Variants in LRCH3 observed in about 807,000 individuals in gnomAD.
LRCH3 encodes leucine rich repeats and calponin homology domain containing 3.
LRCH3 carries 68 observed loss-of-function variants against 104.5 expected under a neutral mutation model. The observed-to-expected ratio is 0.65, with a 90% confidence interval of 0.54 to 0.80. The LOEUF is 0.80. LRCH3 is among the 30% of genes least tolerant of loss of function. The pLI is 0.00. For synonymous variants in LRCH3, 344 were observed against 361.3 expected (o/e 0.95, Z 0.54); for missense variants, 951 against 953.9 (o/e 1.00, Z 0.04).
At chr3:197,818,785 G>A (rs1186230919) in intron 3 of LRCH3, among the ~76,000 whole-genome samples, 1 of 152,134 alleles carries the variant, frequency 6.6e-6, no homozygotes, top group Non-Finnish European at 1.5e-5. Flanking sequence ...CTACAAAAGA[G>A]GTTAATTGAT....
intron 4 of LRCH3, among the ~76,000 whole-genome samples, chr3:197,825,531 G>C (rs1345007735): frequency 8.9e-6 from 1 of 112,072 alleles, no homozygotes; most frequent in Admixed American, 1.3e-4. Context: ...CCAGGCTGGA[G>C]TGCAGTGGCT....
chr3:197,862,891 G>A (rs1234054623), intron 15 of LRCH3, among the ~76,000 whole-genome samples: 2 of 152,170 alleles, frequency 1.3e-5, no homozygotes, highest in African/African-American at 4.8e-5. Flanking sequence ...TTAAATCTTA[G>A]TTCTCCACCT....
chr3:197,870,084 CTG>C (rs1269062085), intron 17 of LRCH3, 74 bp from the exon 18 acceptor site: 42 of 1,482,498 alleles, frequency 2.8e-5, no homozygotes, highest in Middle Eastern at 1.8e-4. Context: ...TGCAGGGAAA[CTG>C]TGATGAGGCA....
chr3:197,866,086 T>C (rs1256704849), intron 16 of LRCH3, 26 bp from the exon 17 acceptor site: 1 of 1,518,304 alleles, frequency 6.6e-7, no homozygotes, highest in African/African-American at 1.4e-5. Flanking sequence ...TCCTTTAATC[T>C]CATTTTATTT....
At chr3:197,845,314 G>A (rs1738491725) in intron 10 of LRCH3, among the ~76,000 whole-genome samples, 1 of 151,592 alleles carries the variant, frequency 6.6e-6, no homozygotes, top group Middle Eastern at 3.4e-3. Context: ...GGGAAGCTGA[G>A]GTAGGATTGC....
intron 1 of LRCH3, among the ~76,000 whole-genome samples, chr3:197,804,235 G>A (rs1168610882): frequency 2.0e-5 from 3 of 151,474 alleles, no homozygotes; most frequent in African/African-American, 7.3e-5. Flanking sequence ...TGCAGTGGGC[G>A]ACAGCGTAAG....
At chr3:197,794,163 T>G (rs1171923811) in intron 1 of LRCH3, among the ~76,000 whole-genome samples, 1 of 152,198 alleles carries the variant, frequency 6.6e-6, no homozygotes, top group Non-Finnish European at 1.5e-5. Context: ...TGGTAGGATT[T>G]TGGCCCAGGT....
Position 197,884,660 on chromosome 3 carries a change from G to C in LRCH3, c.*994G>C, listed in dbSNP as rs1714062021. 1 of 152,270 alleles carries C rather than the reference G, an allele frequency of 6.6e-6. No homozygotes were observed. The highest frequency in any genetic ancestry group is 2.4e-5 in the African/African-American group (1 of 41,464). The allele number at this position is 152,270 out of a possible 1,614,324, so 9.4% of individuals were successfully genotyped here. On this transcript the variant is annotated 3_prime_UTR_variant, in exon 21 of 21. Coordinates refer to ENST00000425562, the MANE Select transcript of LRCH3 (RefSeq NM_001365715.1). The stretch of plus-strand genomic sequence containing the variant: ...AGCTAGATATTTGTATGTTTGCGGG[G>C]GAGGGTAATGGCCCCCTGCATTTTT...
intron 4 of LRCH3, among the ~76,000 whole-genome samples, chr3:197,821,824 G>A (rs752516204): frequency 1.1e-4 from 16 of 152,096 alleles, no homozygotes; most frequent in African/African-American, 2.9e-4. Flanking sequence ...ACAGGCACTT[G>A]CCACCATGTC....
chr3:197,866,233 A>G lies in LRCH3; in HGVS notation c.1873+14A>G. On this transcript the variant is annotated intron_variant, in intron 17 of 20. Transcript: ENST00000425562. The stretch of plus-strand genomic sequence containing the variant: ...AAACCAACAAAGGTAGGTGGTGGTG[A>G]TTTTAAAAGCCAGGAGCGAGGGGAG... 1 of 1,598,920 alleles carries G rather than the reference A, an allele frequency of 6.3e-7. No individual in the cohort carries two copies. The highest frequency in any genetic ancestry group is 8.6e-7 in the Non-Finnish European group (1 of 1,166,194).
intron 12 of LRCH3, chr3:197,850,579 A>G: frequency 6.3e-7 from 1 of 1,586,302 alleles, no homozygotes; most frequent in Non-Finnish European, 8.6e-7. Context: ...GTCCGGCGGC[A>G]CATCTCAGGT....
chr3:197,833,343 A>G (rs1206007998), intron 8 of LRCH3, among the ~76,000 whole-genome samples: 1 of 116,952 alleles, frequency 8.6e-6, no homozygotes, highest in African/African-American at 3.2e-5. Context: ...AACATGGTGA[A>G]ACCCCATCTC....
intron 1 of LRCH3, among the ~76,000 whole-genome samples, chr3:197,796,574 A>T (rs1436128960): frequency 6.6e-6 from 1 of 152,232 alleles, no homozygotes; most frequent in African/African-American, 2.4e-5. Flanking sequence ...AGTAGCTAAC[A>T]TTTATTGAGG....
At chr3:197,821,444 T>C (rs1408639231) in intron 4 of LRCH3, among the ~76,000 whole-genome samples, 4 of 152,226 alleles carry the variant, frequency 2.6e-5, no homozygotes, top group Admixed American at 2.6e-4. Flanking sequence ...TATATATTTC[T>C]TCCTATATGT....
At chr3:197,811,541 G>C (rs960478927) in intron 1 of LRCH3, among the ~76,000 whole-genome samples, 1 of 152,156 alleles carries the variant, frequency 6.6e-6, no homozygotes, top group Non-Finnish European at 1.5e-5. Flanking sequence ...ATGTCACTGC[G>C]TGGGACCGCC....
rs1156345623 is a variant in LRCH3 at position 197,810,243 on chromosome 3, G to A, written c.263-4665G>A. On this transcript the variant is annotated intron_variant, in intron 1 of 20. Coordinates refer to ENST00000425562, the MANE Select transcript of LRCH3 (RefSeq NM_001365715.1). The surrounding 1 kb of genome is among the most constrained non-coding windows in gnomAD (Gnocchi z 4.0). ...ACGATCTTGGCTCACTGCAGCCTCC[G>A]CCTCCTGGGTTCAAAGGATTCTCCT... Among the ~76,000 whole-genome samples, 3 of 152,066 alleles carry A rather than the reference G, an allele frequency of 2.0e-5. 1 individual carries two copies. The highest frequency in any genetic ancestry group is 4.2e-4 in the South Asian group (2 of 4,814).
intron 2 of LRCH3, among the ~76,000 whole-genome samples, chr3:197,816,096 T>C (rs1353400455): frequency 6.6e-6 from 1 of 152,174 alleles, no homozygotes; most frequent in Non-Finnish European, 1.5e-5. Flanking sequence ...TATGTAAATG[T>C]TTACTTTTCT....
intron 1 of LRCH3, among the ~76,000 whole-genome samples, chr3:197,805,065 T>C (rs1396240263): frequency 6.6e-6 from 1 of 152,086 alleles, no homozygotes; most frequent in Non-Finnish European, 1.5e-5. Flanking sequence ...TGGCTAATTT[T>C]GTATTTTTGG....
rs555262419 is a variant in LRCH3 at position 197,879,503 on chromosome 3, G to A, written c.2208+3728G>A. Among the ~76,000 whole-genome samples the A allele has an allele frequency of 6.3e-4, 96 of 151,426 alleles. 1 individual carries two copies. In the South Asian group the frequency reaches 6.4e-3, roughly 10 times the overall value. On this transcript the variant is annotated intron_variant, in intron 20 of 20. Transcript: ENST00000425562. Reference sequence around the variant, plus strand: ...CTACTAAAAATACAAAAAATTAGCCGGGCGTGGTGGCGGGCGCCTGTAGTC... The same window carrying A: ...CTACTAAAAATACAAAAAATTAGCCAGGCGTGGTGGCGGGCGCCTGTAGTC...
Sources: allele counts gnomAD v4.1 joint callset (sites outside exome capture counted in the v4.1 genomes callset), GRCh38; gene constraint gnomAD v4.1.1; non-coding constraint Gnocchi (gnomAD v3.1); transcripts MANE v1.5; gene names NCBI Gene and HGNC (gene_info 2026-07-23, HGNC 2026-07-21).